The following IDE variants were observed in gnomAD, a reference collection of about 807,000 sequenced individuals.
The protein encoded by IDE is insulin-degrading enzyme.
IDE carries 58 observed loss-of-function variants against 133.2 expected under a neutral mutation model. The ratio of observed to expected loss-of-function variants is 0.44; its 90% CI spans 0.35 to 0.54. The LOEUF (loss-of-function observed/expected upper bound fraction) is 0.54, where lower values mean the gene tolerates loss of function less well. Among genes scored for constraint, IDE ranks in the 20% least tolerant of loss-of-function variants. IDE has a pLI of 0.00. For synonymous variants in IDE, 396 were observed against 421.3 expected (o/e 0.94, Z 0.73); for missense variants, 981 against 1,234.0 (o/e 0.79, Z 3.07).
At chr10:92,457,205 A>T (rs1049054811) in intron 22 of IDE, among the ~76,000 whole-genome samples, 1 of 152,152 alleles carries the variant, frequency 6.6e-6, no homozygotes, top group Non-Finnish European at 1.5e-5. Context: ...AGTCAGGGAC[A>T]AGCACGAGTG....
intron 17 of IDE, among the ~76,000 whole-genome samples, chr10:92,473,164 T>C (rs975817132): frequency 6.6e-6 from 1 of 151,894 alleles, no homozygotes; most frequent in Non-Finnish European, 1.5e-5. Flanking sequence ...TCTCCTGACC[T>C]CGTGATCCGC....
In IDE at chr10:92,454,469, A is replaced by G; in HGVS notation, c.3035T>C (p.Ile1012Thr). ...LPLFPLVKPHINFMAAKL is the reference protein window; with the variant it reads ...LPLFPLVKPHTNFMAAKL ...TCAGAGTTTTGCAGCCATGAAGTTAATATGTGGTTTCACAAGGGGAAACAG... is the reference window on the plus strand; with the variant it reads ...TCAGAGTTTTGCAGCCATGAAGTTAGTATGTGGTTTCACAAGGGGAAACAG... The change falls in exon 25 of 25, where the codon ATT becomes ACT. Residue 1012 changes from isoleucine to threonine, a missense_variant. Transcript: ENST00000265986. 4 of 1,613,210 alleles carry G rather than the reference A, an allele frequency of 2.5e-6. No homozygotes were observed. The highest frequency in any genetic ancestry group is 3.4e-6 in the Non-Finnish European group (4 of 1,179,136).
chr10:92,546,715 C>T (rs1011903168), intron 1 of IDE, among the ~76,000 whole-genome samples: 9 of 152,190 alleles, frequency 5.9e-5, no homozygotes, highest in East Asian at 1.9e-4. Flanking sequence ...AATCTTTTAA[C>T]TCAGGACTTT....
chr10:92,524,515 A>T lies in IDE; in HGVS notation c.661+7233T>A, dbSNP rs1486721337. 4.6e-5 allele frequency among the ~76,000 whole-genome samples: 3 copies of T among 65,704 alleles called. 1 individual carries two copies. Among genetic ancestry groups the T allele is most frequent in the African/African-American group, 1.9e-4 (3 of 15,988 alleles). The allele number at this position is 65,704 out of a possible 152,430, so 43.1% of individuals were successfully genotyped here. A position where few individuals can be genotyped will look rare whatever the true frequency, so the allele number is the denominator to read the frequency against. ...TATAATATATTTTATATAATATATA[A>T]TATATATTATATTATAATATATTTT... On this transcript the variant is annotated intron_variant, in intron 4 of 24. Coordinates refer to ENST00000265986, the MANE Select transcript of IDE (RefSeq NM_004969.4).
At chr10:92,567,481 G>A (rs997326974) in intron 1 of IDE, among the ~76,000 whole-genome samples, 1 of 152,076 alleles carries the variant, frequency 6.6e-6, no homozygotes, top group African/African-American at 2.4e-5. Context: ...TCCCTCATCA[G>A]TCTCTGCCTG....
Position 92,574,025 on chromosome 10 carries a change from A to G in IDE, c.-6T>C. 25 of 1,509,650 alleles carry G rather than the reference A, an allele frequency of 1.7e-5. No homozygotes were observed. Among genetic ancestry groups the G allele is most frequent in the Non-Finnish European group, 2.2e-5 (25 of 1,131,444 alleles). The allele number at this position is 1,509,650 out of a possible 1,614,324, so 93.5% of individuals were successfully genotyped here. On this transcript the variant is annotated 5_prime_UTR_variant, in exon 1 of 25. Coordinates refer to ENST00000265986, the MANE Select transcript of IDE (RefSeq NM_004969.4). ...CACGCTAGCCGGTACCGCATTAGCCAGCGCAGTCGCCGGGATCACCGCAAA... is the reference window on the plus strand; with the variant it reads ...CACGCTAGCCGGTACCGCATTAGCCGGCGCAGTCGCCGGGATCACCGCAAA...
chr10:92,552,410 T>C (rs1424694131), intron 1 of IDE, among the ~76,000 whole-genome samples: 1 of 152,186 alleles, frequency 6.6e-6, no homozygotes, highest in African/African-American at 2.4e-5. Context: ...AAGGTATCAA[T>C]ACAAACTTAT....
In IDE at chr10:92,461,246, G is replaced by A. The variant is rs140729995; in HGVS notation, c.2768C>T (p.Thr923Ile). ...AAGTGTCTTTAAATATGCAACCTCA[G>A]TGTTATCTGAAAAAGTAATCAAACA... is the stretch of plus-strand genomic sequence containing the variant. ...SQQYNFDRDN[T>I]EVAYLKTLTK... is the part of the protein sequence containing the mutation. Residue 923 changes from threonine to isoleucine, a missense_variant, in exon 22 of 25, where the codon ACT (threonine) becomes ATT (isoleucine). Physicochemically the swap from Thr to Ile is moderately conservative, Grantham distance 89. This residue lies in a region of IDE where 660 missense variants were observed against 894.7 expected (regional missense o/e 0.74). Coordinates refer to ENST00000265986, the MANE Select transcript of IDE (RefSeq NM_004969.4). 2.4e-5 allele frequency: 34 copies of A among 1,433,730 alleles called. No homozygotes were observed. In the African/African-American group the frequency reaches 3.1e-4, roughly 13 times the overall value. The allele number at this position is 1,433,730 out of a possible 1,614,324, so 88.8% of individuals were successfully genotyped here.
intron 4 of IDE, among the ~76,000 whole-genome samples, chr10:92,524,826 G>T (rs1849537911): frequency 6.6e-6 from 1 of 151,790 alleles, no homozygotes; most frequent in African/African-American, 2.4e-5. Context: ...AAAGGCTGAG[G>T]CAGGAGAATT....
chr10:92,538,365 G>T (rs926440516), intron 1 of IDE, among the ~76,000 whole-genome samples: 1 of 152,176 alleles, frequency 6.6e-6, no homozygotes, highest in African/African-American at 2.4e-5. Context: ...CTCCCATAGG[G>T]AACAACCCCC....
At chr10:92,482,013 CAAT>C (rs1216545083) in intron 14 of IDE, among the ~76,000 whole-genome samples, 1 of 152,140 alleles carries the variant, frequency 6.6e-6, no homozygotes, top group African/African-American at 2.4e-5. Flanking sequence ...TTGGTGTAAA[CAAT>C]AAAAAATCTC....
At chr10:92,522,478 G>A (rs1371377877) in intron 4 of IDE, among the ~76,000 whole-genome samples, 6 of 152,028 alleles carry the variant, frequency 3.9e-5, no homozygotes, top group Non-Finnish European at 7.4e-5. Flanking sequence ...TCTCCTCTCT[G>A]TACTCCCTGC....
intron 1 of IDE, among the ~76,000 whole-genome samples, chr10:92,547,267 T>C (rs2135740961): frequency 6.7e-6 from 1 of 149,114 alleles, no homozygotes; most frequent in South Asian, 2.1e-4. Context: ...TTTTTTTTAG[T>C]AGAGACAGGG....
intron 4 of IDE, 30 bp downstream of exon 4, chr10:92,531,718 T>G: frequency 6.8e-7 from 1 of 1,471,170 alleles, no homozygotes; most frequent in Non-Finnish European, 9.2e-7. Context: ...TGGGTTTAAA[T>G]GAGGTCAAGG....
chr10:92,566,177 G>A (rs1297047190), intron 1 of IDE, among the ~76,000 whole-genome samples: 4 of 137,926 alleles, frequency 2.9e-5, no homozygotes, highest in Non-Finnish European at 3.0e-5. Context: ...GCAACATGAC[G>A]AAATCCTGTC....
chr10:92,544,399 A>G (rs1255808946), intron 1 of IDE, among the ~76,000 whole-genome samples: 1 of 152,200 alleles, frequency 6.6e-6, no homozygotes, highest in African/African-American at 2.4e-5. Context: ...TCAACTCCAA[A>G]TGAGAAACAA....
intron 1 of IDE, among the ~76,000 whole-genome samples, chr10:92,560,843 T>C (rs1015832191): frequency 1.3e-4 from 19 of 151,546 alleles, no homozygotes; most frequent in African/African-American, 4.6e-4. Context: ...CTCACAGAGC[T>C]CAGGCTGATA....
chr10:92,508,194 T>C lies in IDE; in HGVS notation c.1072A>G (p.Thr358Ala). 6.2e-7 allele frequency: 1 copy of C among 1,612,860 alleles called. No individual in the cohort carries two copies. Among genetic ancestry groups the C allele is most frequent in the Non-Finnish European group, 8.5e-7 (1 of 1,179,416 alleles). The change falls in exon 8 of 25, where the codon ACT becomes GCT. Residue 358 changes from threonine (T) to alanine (A), a missense_variant. Transcript: ENST00000265986. The part of the protein sequence containing the change: ...SELKSKGWVN[T>A]LVGGQKEGAR... ...CCTTCCTTCTGCCCACCAACAAGAG[T>C]ATTAACCCAGCCTGCAACATTCAAA... is the stretch of plus-strand genomic sequence containing the variant.
intron 15 of IDE, among the ~76,000 whole-genome samples, chr10:92,477,233 A>G (rs1161391264): frequency 1.3e-5 from 2 of 152,116 alleles, no homozygotes; most frequent in African/African-American, 4.8e-5. Context: ...GCTGACTGCA[A>G]CTTCTGCTCC....
Sources: gnomAD v4.1 joint callset for allele counts (sites outside exome capture counted in the v4.1 genomes callset) on GRCh38, gnomAD v4.1.1 for gene constraint, gnomAD v4.1.1 regional missense constraint, MANE v1.5 for transcripts, NCBI Gene and HGNC (gene_info 2026-07-23, HGNC 2026-07-21) for gene names.